HMCN2: variants seen among roughly 807,000 people sequenced by gnomAD.
The protein encoded by HMCN2 is hemicentin-2.
HMCN2 carries 325 observed loss-of-function variants against 377.5 expected under a neutral mutation model. The observed-to-expected ratio is 0.86, with a 90% CI of 0.79 to 0.94. The LOEUF (loss-of-function observed/expected upper bound fraction) is 0.94, where lower values mean the gene tolerates loss of function less well. Among genes scored for constraint, HMCN2 ranks in the 40% least tolerant of loss-of-function variants. The probability of loss-of-function intolerance (pLI) is 0.00; values close to 1 mark genes in which losing one functional copy is unlikely to be tolerated. For missense variants in HMCN2, 4,543 were observed against 4,725.3 expected (o/e 0.96, Z 1.13); for synonymous variants, 2,007 against 2,046.8 (o/e 0.98, Z 0.53).
intron 61 of HMCN2, among the ~76,000 whole-genome samples, chr9:130,386,775 G>A (rs1842045188): frequency 6.6e-6 from 1 of 152,202 alleles, no homozygotes; most frequent in African/African-American, 2.4e-5. Flanking sequence ...CTCCCAAAGT[G>A]CTGACATTAC....
At position 130,394,140 on chromosome 9, in the gene HMCN2, G is replaced by A. The variant is rs1842478591; in HGVS notation, c.10501+132G>A. On this transcript the variant is annotated intron_variant, in intron 68 of 97. Coordinates refer to ENST00000683500, the MANE Select transcript of HMCN2 (RefSeq NM_001291815.2). The surrounding 1 kb of genome is among the most constrained non-coding windows in gnomAD (Gnocchi z 5.1). The stretch of plus-strand genomic sequence containing the variant: ...GACTGCCACCTGGGAGCAGAACTCA[G>A]GGAACTTGGTTCTGGCTGGGATGCC... 8.7e-6 allele frequency: 8 copies of A among 920,056 alleles called. No homozygotes were observed. The highest frequency in any genetic ancestry group is 1.1e-5 in the Non-Finnish European group (8 of 697,874). The allele number at this position is 920,056 out of a possible 1,614,324, so 57.0% of individuals were successfully genotyped here.
chr9:130,391,876 G>A (rs1842338470), intron 65 of HMCN2, 59 bp from the exon 66 acceptor site: 1 of 933,212 alleles, frequency 1.1e-6, no homozygotes, highest in Non-Finnish European at 1.3e-6. Flanking sequence ...TTCCCTGGGA[G>A]GAGCCCACCT....
chr9:130,302,775 T>G, intron 8 of HMCN2, 82 bp from the exon 9 acceptor site: 2 of 315,212 alleles, frequency 6.3e-6, no homozygotes, highest in Admixed American at 3.8e-5. Context: ...TGGCTGCTGG[T>G]GCATCCCTAC....
At chr9:130,280,843 C>T (rs1554925425) in intron 1 of HMCN2, among the ~76,000 whole-genome samples, 3 of 152,036 alleles carry the variant, frequency 2.0e-5, no homozygotes, top group Non-Finnish European at 4.4e-5. Flanking sequence ...CAGTGGCTCA[C>T]GCCTGTAATC....
chr9:130,265,823 G>T lies in HMCN2; in HGVS notation c.-56G>T. On this transcript the variant is annotated 5_prime_UTR_variant, in exon 1 of 98. Coordinates refer to ENST00000683500, the MANE Select transcript of HMCN2 (RefSeq NM_001291815.2). ...AGCCGCCGTGTGCACCGGGGCGGCC[G>T]GCTAGCTCCGACCTGCGCCTCCACC... The T allele has an allele frequency of 3.3e-6, 1 of 307,174 alleles. No homozygotes were observed. The highest frequency in any genetic ancestry group is 2.5e-5 in the South Asian group (1 of 40,416). 19.0% of individuals were successfully genotyped at this position (307,174 alleles called of 1,614,324 possible).
At chr9:130,363,097 G>A (rs1407247795) in intron 40 of HMCN2, 107 bp downstream of exon 40, 2 of 896,116 alleles carry the variant, frequency 2.2e-6, no homozygotes, top group Non-Finnish European at 2.7e-6. Context: ...GGATGGAGGA[G>A]TGTCCACCTG....
In HMCN2 at chr9:130,393,191, C is replaced by T. The variant is rs1283328139; in HGVS notation, c.10137-21C>T. 15 of 987,160 alleles carry T rather than the reference C, an allele frequency of 1.5e-5. No individual in the cohort carries two copies. Among genetic ancestry groups the T allele is most frequent in the Non-Finnish European group, 1.8e-5 (15 of 829,356 alleles). 61.2% of individuals were successfully genotyped at this position (987,160 alleles called of 1,614,324 possible). On this transcript the variant is annotated intron_variant, in intron 66 of 97. Coordinates refer to ENST00000683500, the MANE Select transcript of HMCN2 (RefSeq NM_001291815.2). The surrounding 1 kb of genome is among the most constrained non-coding windows in gnomAD (Gnocchi z 5.2). ...CTCCCTTTCTCTTGTCTCCTTCTCCCTCTCCTCTCGGGGGATTCAGGATTT... is the reference window on the plus strand; with the variant it reads ...CTCCCTTTCTCTTGTCTCCTTCTCCTTCTCCTCTCGGGGGATTCAGGATTT...
chr9:130,383,212 CAG>C (rs1408318751), intron 56 of HMCN2, among the ~76,000 whole-genome samples: 5 of 150,934 alleles, frequency 3.3e-5, no homozygotes, highest in Non-Finnish European at 5.9e-5. Context: ...TGTGCAGACA[CAG>C]AGCTGCGGGG....
chr9:130,336,853 C>G (rs967861815), intron 22 of HMCN2, among the ~76,000 whole-genome samples: 115 of 151,654 alleles, frequency 7.6e-4, no homozygotes, highest in African/African-American at 2.7e-3. Flanking sequence ...CAGCTGCCCG[C>G]GAGGTGGGGG....
rs929493659 is a variant in HMCN2, at chr9:130,353,665, G to A, written c.4864+460G>A. The stretch of plus-strand genomic sequence containing the variant: ...ATGGTCGCAGTGAAGCTCTGGAGCA[G>A]AGAGGTTTCCCCAGGTTCACACCCC... On this transcript the variant is annotated intron_variant, in intron 31 of 97. Transcript: ENST00000683500. 1.6e-4 allele frequency among the ~76,000 whole-genome samples: 24 copies of A among 152,222 alleles called. 1 individual carries two copies. Among genetic ancestry groups the A allele is most frequent in the South Asian group, 2.1e-4 (1 of 4,834 alleles).
intron 4 of HMCN2, among the ~76,000 whole-genome samples, chr9:130,294,426 G>A (rs1234604589): frequency 6.6e-6 from 1 of 152,202 alleles, no homozygotes; most frequent in Non-Finnish European, 1.5e-5. Flanking sequence ...CTTAGGGAAC[G>A]TGGCGCCCTG....
chr9:130,433,731 C>G lies in HMCN2; in HGVS notation c.*38C>G, dbSNP rs1844918483. ...ATTGGCGGCCGCCCTGGCGTGACCCCCGAGGAAGGGGTCGAGGAGAAGCTT... is the reference window on the plus strand; with the variant it reads ...ATTGGCGGCCGCCCTGGCGTGACCCGCGAGGAAGGGGTCGAGGAGAAGCTT... On this transcript the variant is annotated 3_prime_UTR_variant, in exon 98 of 98. Transcript: ENST00000683500. 2.2e-6 allele frequency: 3 copies of G among 1,389,996 alleles called. No individual in the cohort carries two copies. Among genetic ancestry groups the G allele is most frequent in the Non-Finnish European group, 2.8e-6 (3 of 1,064,100 alleles). 86.1% of individuals were successfully genotyped at this position (1,389,996 alleles called of 1,614,324 possible). A position where few individuals can be genotyped will look rare whatever the true frequency, so the allele number is the denominator to read the frequency against.
At chr9:130,381,700 G>A (rs968627999) in intron 54 of HMCN2, among the ~76,000 whole-genome samples, 1 of 152,084 alleles carries the variant, frequency 6.6e-6, no homozygotes, top group Non-Finnish European at 1.5e-5. Context: ...TGATCACAGA[G>A]GGTCCCAGGC....
chr9:130,408,664 CA>C (rs1843236917), intron 83 of HMCN2, 78 bp from the exon 84 acceptor site: 8 of 1,061,582 alleles, frequency 7.5e-6, no homozygotes, highest in Non-Finnish European at 9.9e-6. Flanking sequence ...AGGAGTTGGG[CA>C]GTCCTTTGGG....
Position 130,429,608 on chromosome 9 carries a change from G to T in HMCN2, c.14249G>T (p.Cys4750Phe), listed in dbSNP as rs544058253. 33 of 1,550,320 alleles carry T rather than the reference G, an allele frequency of 2.1e-5. No homozygotes were observed. The South Asian group carries it at 3.5e-4, about 16-fold the overall frequency. Reference protein sequence around the residue: ...GLDDCHYNQLCENTPGGHRCS... With the variant: ...GLDDCHYNQLFENTPGGHRCS... ...GACGACTGTCACTACAACCAGCTCT[G>T]CGAGAACACCCCAGGCGGTCACCGC... Residue 4750 changes from cysteine (C) to phenylalanine (F), a missense_variant, in exon 94 of 98, where the codon TGC becomes TTC. This residue lies in a region of HMCN2 where 1,155 missense variants were observed against 1,157.7 expected (regional missense o/e 1.00). Coordinates refer to ENST00000683500, the MANE Select transcript of HMCN2 (RefSeq NM_001291815.2).
At chr9:130,317,859 G>A (rs1837646777) in intron 15 of HMCN2, among the ~76,000 whole-genome samples, 1 of 152,024 alleles carries the variant, frequency 6.6e-6, no homozygotes, top group South Asian at 2.1e-4. Context: ...GGCTAAGGAG[G>A]GCAGGGAATT....
At chr9:130,371,550 G>C (rs1199491670) in intron 46 of HMCN2, among the ~76,000 whole-genome samples, 1 of 152,206 alleles carries the variant, frequency 6.6e-6, no homozygotes, top group East Asian at 1.9e-4. Context: ...GGTTCTTGCT[G>C]GTATACAAAT....
At chr9:130,362,632 G>A (rs1288298685) in intron 39 of HMCN2, among the ~76,000 whole-genome samples, 1 of 152,274 alleles carries the variant, frequency 6.6e-6, no homozygotes, top group Non-Finnish European at 1.5e-5. Context: ...TGTGGCGAGT[G>A]GACAGAGGGG....
chr9:130,394,678 C>T lies in HMCN2; in HGVS notation c.10692+103C>T, dbSNP rs1045621371. 6.5e-6 allele frequency: 6 copies of T among 929,586 alleles called. No individual in the cohort carries two copies. Among genetic ancestry groups the T allele is most frequent in the Non-Finnish European group, 8.7e-6 (6 of 693,550 alleles). The allele number at this position is 929,586 out of a possible 1,614,324, so 57.6% of individuals were successfully genotyped here. On this transcript the variant is annotated intron_variant, in intron 69 of 97. Transcript: ENST00000683500. This position sits in a 1 kb window ranked among gnomAD's most constrained non-coding sequence, Gnocchi z 5.1. ...GGCAGTTGACAAAGTTGGGCTGAAG[C>T]ACCTCCTCTGTGTGGGGTGTGAGGG...
Sources: gnomAD v4.1 joint callset for allele counts (sites outside exome capture counted in the v4.1 genomes callset) on GRCh38, gnomAD v4.1.1 for gene constraint, gnomAD v4.1.1 regional missense constraint, Gnocchi (gnomAD v3.1) non-coding constraint, MANE v1.5 for transcripts, NCBI Gene and HGNC (gene_info 2026-07-23, HGNC 2026-07-21) for gene names.